Variants in CACNG4 observed in about 807,000 individuals in gnomAD.
The protein encoded by CACNG4 is calcium voltage-gated channel auxiliary subunit gamma 4, also known as voltage-dependent calcium channel gamma-4 subunit.
Under a neutral mutation model 22.9 loss-of-function variants are expected in CACNG4, and 8 were observed. That is an observed-to-expected ratio of 0.35 (90% CI 0.21 to 0.63). The LOEUF (loss-of-function observed/expected upper bound fraction) is 0.63, where lower values mean the gene tolerates loss of function less well. Among genes scored for constraint, CACNG4 ranks in the 30% least tolerant of loss-of-function variants. The probability of loss-of-function intolerance (pLI) is 0.72; values close to 1 mark genes in which losing one functional copy is unlikely to be tolerated. For missense variants in CACNG4, 357 were observed against 455.4 expected, an observed-to-expected ratio of 0.78 and a Z score of 1.97; for synonymous variants, 188 against 191.9, an observed-to-expected ratio of 0.98 and a Z score of 0.17.
intron 1 of CACNG4, among the ~76,000 whole-genome samples, chr17:67,002,869 C>G (rs73339154): frequency 2.6e-5 from 4 of 152,158 alleles, no homozygotes; most frequent in African/African-American, 9.7e-5. Context: ...TTAGCACATG[C>G]TTTGCAGGGA....
chr17:67,003,433 G>T lies in CACNG4; in HGVS notation c.221-14756G>T, dbSNP rs553077061. Among the ~76,000 whole-genome samples the T allele has an allele frequency of 2.0e-5, 3 of 152,196 alleles. No homozygotes were observed. In the East Asian group the frequency reaches 5.8e-4, roughly 30 times the overall value. Reference sequence around the variant, plus strand: ...TAGTAGCTCCTGAATGGAGCACTGTGTTGAGGATTCAGACTGTGATCAGGG... The same window carrying T: ...TAGTAGCTCCTGAATGGAGCACTGTTTTGAGGATTCAGACTGTGATCAGGG... On this transcript the variant is annotated intron_variant, in intron 1 of 3. Coordinates refer to ENST00000262138, the MANE Select transcript of CACNG4 (RefSeq NM_014405.4).
chr17:67,019,155 A>G (rs1424526934), intron 2 of CACNG4, among the ~76,000 whole-genome samples: 1 of 152,168 alleles, frequency 6.6e-6, no homozygotes, highest in Non-Finnish European at 1.5e-5. Flanking sequence ...CAATACCAGC[A>G]TCCTCAGAGA....
At chr17:67,001,708 A>T (rs76756378) in intron 1 of CACNG4, among the ~76,000 whole-genome samples, 2,211 of 152,338 alleles carry the variant, frequency 0.015, 21 homozygotes, top group Admixed American at 0.021. Flanking sequence ...CTAGACGACC[A>T]AGTCTGCAGC....
intron 1 of CACNG4, among the ~76,000 whole-genome samples, chr17:66,992,443 C>A (rs1018905100): frequency 1.3e-5 from 2 of 152,220 alleles, no homozygotes; most frequent in Non-Finnish European, 2.9e-5. Flanking sequence ...CGCAGGGGAT[C>A]CATCAAATAA....
At chr17:66,993,076 G>GTGGC (rs1353154915) in intron 1 of CACNG4, among the ~76,000 whole-genome samples, 1 of 152,164 alleles carries the variant, frequency 6.6e-6, no homozygotes, top group African/African-American at 2.4e-5. Context: ...AACCCTCAGG[G>GTGGC]TGGCACCTGT....
chr17:66,965,194 ACGCGCGCG>A lies in CACNG4; in HGVS notation c.220+75_220+82del, dbSNP rs1158411001. 1,900 of 909,954 alleles carry A rather than the reference ACGCGCGCG, an allele frequency of 2.1e-3. 16 individuals carry two copies. The African/African-American group carries it at 0.03, about 14-fold the overall frequency. 56.4% of individuals were successfully genotyped at this position (909,954 alleles called of 1,614,324 possible). On this transcript the variant is annotated intron_variant, in intron 1 of 3. Coordinates refer to ENST00000262138, the MANE Select transcript of CACNG4 (RefSeq NM_014405.4). ...CACACACACACACACACATATACACACGCGCGCGCGCGCGCGCGCACACACACACACGC... is the reference window on the plus strand; with the variant it reads ...CACACACACACACACACATATACACACGCGCGCGCGCACACACACACACGC...
intron 1 of CACNG4, among the ~76,000 whole-genome samples, chr17:67,011,945 C>T (rs977879788): frequency 2.0e-5 from 3 of 152,158 alleles, no homozygotes; most frequent in Non-Finnish European, 2.9e-5. Context: ...CCCAATACCC[C>T]GCTCTTCATC....
At chr17:66,990,721 C>A (rs1030669078) in intron 1 of CACNG4, among the ~76,000 whole-genome samples, 2 of 151,672 alleles carry the variant, frequency 1.3e-5, no homozygotes, top group Non-Finnish European at 2.9e-5. Context: ...CGCTCTATCG[C>A]CCAGGCTGGA....
intron 1 of CACNG4, among the ~76,000 whole-genome samples, chr17:66,999,275 T>TAGG (rs138134995): frequency 6.6e-6 from 1 of 150,940 alleles, no homozygotes; most frequent in African/African-American, 2.4e-5. Flanking sequence ...GGCAGTAGAG[T>TAGG]TGGTGGTGGT....
At chr17:66,990,909 T>C (rs76333870) in intron 1 of CACNG4, among the ~76,000 whole-genome samples, 2 of 151,990 alleles carry the variant, frequency 1.3e-5, no homozygotes, top group African/African-American at 4.8e-5. Context: ...CTCGATCTCC[T>C]GACCTCGTGA....
chr17:66,989,803 C>T (rs937698807), intron 1 of CACNG4, among the ~76,000 whole-genome samples: 3 of 151,342 alleles, frequency 2.0e-5, no homozygotes, highest in South Asian at 2.1e-4. Flanking sequence ...GCCCACCAAC[C>T]TCCCAATGTG....
intron 1 of CACNG4, among the ~76,000 whole-genome samples, chr17:67,004,520 T>A (rs917712291): frequency 2.6e-5 from 4 of 152,142 alleles, no homozygotes; most frequent in Non-Finnish European, 4.4e-5. Context: ...CCTGGAGCCC[T>A]GTGGTCTCCA....
rs1328239911 is a variant in CACNG4, at chr17:67,030,863, G to A, written c.843G>A (p.Arg281=). Residue 281 remains arginine (R), a synonymous_variant, in exon 4 of 4, where the codon AGG becomes AGA. Coordinates refer to ENST00000262138, the MANE Select transcript of CACNG4 (RefSeq NM_014405.4). The surrounding 1 kb of genome is among the most constrained non-coding windows in gnomAD (Gnocchi z 6.4). ...AGCTGTCCATGTACACGCTGTCCAG[G>A]GAGCCCCTCAAGGTGACCACCGCAG... ...MGELSMYTLS[R]EPLKVTTAAS... 2 of 1,613,054 alleles carry A rather than the reference G, an allele frequency of 1.2e-6. No homozygotes were observed. The highest frequency in any genetic ancestry group is 1.7e-6 in the Non-Finnish European group (2 of 1,180,014).
intron 3 of CACNG4, among the ~76,000 whole-genome samples, chr17:67,025,305 A>T (rs180800729): frequency 2.3e-3 from 347 of 152,338 alleles, no homozygotes; most frequent in African/African-American, 7.4e-3. Flanking sequence ...ATCTTGCATG[A>T]ATTTCACCTC....
At chr17:66,985,835 G>T (rs1023196180) in intron 1 of CACNG4, among the ~76,000 whole-genome samples, 2 of 152,164 alleles carry the variant, frequency 1.3e-5, no homozygotes, top group Non-Finnish European at 2.9e-5. Context: ...GTAGCACAGA[G>T]TGGGAAGAGG....
chr17:67,019,294 C>G (rs969336323), intron 2 of CACNG4, among the ~76,000 whole-genome samples: 1 of 152,126 alleles, frequency 6.6e-6, no homozygotes, highest in African/African-American at 2.4e-5. Context: ...CAGGCTGCTG[C>G]GACCAGGCCC....
intron 1 of CACNG4, among the ~76,000 whole-genome samples, 155 bp from the exon 2 acceptor site, chr17:67,018,034 C>G (rs2035510636): frequency 6.6e-6 from 1 of 152,158 alleles, no homozygotes; most frequent in African/African-American, 2.4e-5. Flanking sequence ...CTCTCCCGTG[C>G]CCCCACCAGA....
At chr17:66,989,665 G>A (rs902555328) in intron 1 of CACNG4, among the ~76,000 whole-genome samples, 3 of 151,692 alleles carry the variant, frequency 2.0e-5, no homozygotes, top group African/African-American at 4.9e-5. Context: ...CCACGCTTCC[G>A]AAGTGTTTCC....
intron 1 of CACNG4, among the ~76,000 whole-genome samples, chr17:67,009,974 C>A (rs2035459712): frequency 6.6e-6 from 1 of 152,106 alleles, no homozygotes. Context: ...TGCAAGACCC[C>A]ACCCCCATCC....
Sources: gnomAD v4.1 joint callset for allele counts (sites outside exome capture counted in the v4.1 genomes callset) on GRCh38, gnomAD v4.1.1 for gene constraint, Gnocchi (gnomAD v3.1) non-coding constraint, MANE v1.5 for transcripts, NCBI Gene and HGNC (gene_info 2026-07-23, HGNC 2026-07-21) for gene names.